RBFOX1: variants seen among roughly 807,000 people sequenced by gnomAD.
The protein encoded by RBFOX1 is RNA binding fox-1 homolog 1.
RBFOX1 carries 8 observed loss-of-function variants against 57.7 expected under a neutral mutation model. That is an observed-to-expected ratio of 0.14 (90% CI 0.08 to 0.25). RBFOX1 has a LOEUF of 0.25. Ranked by LOEUF, RBFOX1 falls within the 10% of genes least tolerant of loss-of-function variation. The pLI is 1.00. For synonymous variants in RBFOX1, 326 were observed against 222.4 expected (o/e 1.47, Z -4.15); for missense variants, 611 against 548.5 (o/e 1.11, Z -1.14).
At chr16:7,387,889 G>C (rs1271913752) in intron 4 of RBFOX1, among the ~76,000 whole-genome samples, 1 of 152,126 alleles carries the variant, frequency 6.6e-6, no homozygotes, top group Non-Finnish European at 1.5e-5. Flanking sequence ...CTTTGTTTTT[G>C]TGCTGTCTTT....
At chr16:6,393,845 G>C (rs971457856) in intron 2 of RBFOX1, among the ~76,000 whole-genome samples, 1 of 152,132 alleles carries the variant, frequency 6.6e-6, no homozygotes, top group Non-Finnish European at 1.5e-5. Flanking sequence ...GCAAAAGCGG[G>C]ATCATTGTAA....
At chr16:5,394,596 C>A (rs4786030) in intron 1 of RBFOX1, among the ~76,000 whole-genome samples, 2,896 of 137,612 alleles carry the variant, frequency 0.021, 57 homozygotes, top group Non-Finnish European at 0.032. Flanking sequence ...GGATCTTGCT[C>A]TGTTGCCCAG....
chr16:7,385,780 G>C (rs1003572185), intron 4 of RBFOX1, among the ~76,000 whole-genome samples: 8 of 152,106 alleles, frequency 5.3e-5, no homozygotes, highest in African/African-American at 1.9e-4. Context: ...TCGAGATAGA[G>C]TCTCGCTGTG....
chr16:6,600,845 C>T (rs980624981), intron 2 of RBFOX1, among the ~76,000 whole-genome samples: 8 of 152,076 alleles, frequency 5.3e-5, no homozygotes, highest in Non-Finnish European at 8.8e-5. Flanking sequence ...TTTAGAGGAA[C>T]GTAAATGCTG....
intron 2 of RBFOX1, among the ~76,000 whole-genome samples, chr16:6,411,095 G>T (rs2093445089): frequency 6.6e-6 from 1 of 152,166 alleles, no homozygotes; most frequent in East Asian, 1.9e-4. Context: ...AAACCAACTG[G>T]ATGTCCCGCA....
chr16:7,108,808 T>G (rs1289415968), intron 4 of RBFOX1, among the ~76,000 whole-genome samples: 2 of 152,206 alleles, frequency 1.3e-5, no homozygotes, highest in African/African-American at 2.4e-5. Flanking sequence ...AAGGCTTGTT[T>G]GTTGTACCTA....
chr16:5,559,265 G>T (rs1369675847), intron 2 of RBFOX1, among the ~76,000 whole-genome samples: 1 of 150,754 alleles, frequency 6.6e-6, no homozygotes, highest in Non-Finnish European at 1.5e-5. Context: ...TCTGGTTCTT[G>T]GTTTGTTTAA....
intron 4 of RBFOX1, among the ~76,000 whole-genome samples, chr16:7,198,736 T>C (rs544612624): frequency 1.0e-3 from 153 of 152,326 alleles, no homozygotes; most frequent in African/African-American, 3.6e-3. Context: ...ATGACTTTAT[T>C]CGTGAAAGTG....
intron 9 of RBFOX1, among the ~76,000 whole-genome samples, chr16:7,600,466 A>G (rs978348240): frequency 6.6e-6 from 1 of 152,190 alleles, no homozygotes; most frequent in African/African-American, 2.4e-5. Flanking sequence ...GGGCCCTTTC[A>G]TATCCTTAAT....
intron 4 of RBFOX1, among the ~76,000 whole-genome samples, chr16:7,166,394 G>C (rs771462205): frequency 4.6e-5 from 7 of 152,126 alleles, no homozygotes; most frequent in Non-Finnish European, 1.0e-4. Context: ...TGAGGGAGTG[G>C]GTTGTAAGGA....
intron 3 of RBFOX1, among the ~76,000 whole-genome samples, chr16:5,774,687 T>C (rs2054089088): frequency 6.6e-6 from 1 of 152,172 alleles, no homozygotes; most frequent in South Asian, 2.1e-4. Flanking sequence ...GGATTTTTTA[T>C]TGGTTTAGTT....
At chr16:6,322,082 C>T (rs150547899) in intron 2 of RBFOX1, among the ~76,000 whole-genome samples, 53 of 152,242 alleles carry the variant, frequency 3.5e-4, no homozygotes, top group African/African-American at 8.9e-4. Context: ...GTTTTTCATC[C>T]GCCACCAAAT....
At chr16:7,048,122 G>A (rs1161262998) in intron 3 of RBFOX1, among the ~76,000 whole-genome samples, 1 of 152,004 alleles carries the variant, frequency 6.6e-6, no homozygotes, top group Non-Finnish European at 1.5e-5. Flanking sequence ...CAGGTGATCC[G>A]ACCCGCTTGG....
chr16:5,901,007 C>T (rs113093808), intron 4 of RBFOX1, among the ~76,000 whole-genome samples: 4 of 152,240 alleles, frequency 2.6e-5, no homozygotes, highest in Non-Finnish European at 5.9e-5. Context: ...TTTCAGTCTG[C>T]AATCACTGCC....
At chr16:6,120,317 A>C (rs1376294765) in intron 1 of RBFOX1, among the ~76,000 whole-genome samples, 1 of 152,238 alleles carries the variant, frequency 6.6e-6, no homozygotes, top group Non-Finnish European at 1.5e-5. Flanking sequence ...TGGATCATGC[A>C]GTAGCTCTAT....
At chr16:6,618,892 G>C (rs1470181268) in intron 2 of RBFOX1, among the ~76,000 whole-genome samples, 1 of 152,140 alleles carries the variant, frequency 6.6e-6, no homozygotes, top group Non-Finnish European at 1.5e-5. Context: ...CCTCCCCTTA[G>C]ATGAGGAAGG....
intron 3 of RBFOX1, among the ~76,000 whole-genome samples, chr16:6,907,641 G>T (rs763004813): frequency 6.6e-6 from 1 of 152,136 alleles, no homozygotes; most frequent in Non-Finnish European, 1.5e-5. Context: ...CACGATCTTG[G>T]CTCACTGCAG....
intron 3 of RBFOX1, among the ~76,000 whole-genome samples, chr16:6,780,416 ATATT>A (rs1247344288): frequency 8.6e-6 from 1 of 115,734 alleles, no homozygotes; most frequent in South Asian, 2.5e-4. Context: ...ATATTTATAT[ATATT>A]TATATATATT....
intron 4 of RBFOX1, among the ~76,000 whole-genome samples, chr16:7,449,389 AATAG>A (rs898629005): frequency 3.3e-5 from 5 of 152,102 alleles, no homozygotes; most frequent in African/African-American, 1.2e-4. Flanking sequence ...TGGCAGTGAA[AATAG>A]ATGGATGAAT....
Sources: gnomAD v4.1 joint callset for allele counts (sites outside exome capture counted in the v4.1 genomes callset) on GRCh38, gnomAD v4.1.1 for gene constraint, MANE v1.5 for transcripts, NCBI Gene and HGNC (gene_info 2026-07-23, HGNC 2026-07-21) for gene names.